Variants in CECR2 observed in about 807,000 individuals in gnomAD.
CECR2 encodes chromatin remodeling regulator CECR2.
In CECR2, 30 loss-of-function variants were observed where a neutral mutation model predicts 154.5. The observed-to-expected ratio is 0.19, with a 90% CI of 0.15 to 0.26. The LOEUF is 0.26. CECR2 is among the 10% of genes least tolerant of loss of function. The pLI is 1.00. For synonymous variants in CECR2, 725 were observed against 683.7 expected (o/e 1.06, Z -0.94); for missense variants, 1,743 against 1,829.3 (o/e 0.95, Z 0.86).
intron 4 of CECR2, 118 bp downstream of exon 4, chr22:17,499,667 C>T (rs1188130642): frequency 1.1e-5 from 11 of 1,017,356 alleles, no homozygotes; most frequent in Non-Finnish European, 1.4e-5. Context: ...TCTAAGCATG[C>T]CTGCAAAGAG....
rs1475550938 is a variant in CECR2 at position 17,541,895 on chromosome 22, G to C, written c.1941G>C (p.Leu647Phe). The change falls in exon 15 of 19, where the codon TTG becomes TTC. Residue 647 changes from leucine to phenylalanine, a missense_variant. By Grantham distance (22) the Leu-to-Phe change is conservative (BLOSUM62 0). Coordinates refer to ENST00000262608, the MANE Select transcript of CECR2 (RefSeq NM_001290047.2). ...TGCGAGGATCAGATCCTGCCACCTTGTATGGCTCCTCTGGAGTCCCGGAGC... is the reference window on the plus strand; with the variant it reads ...TGCGAGGATCAGATCCTGCCACCTTCTATGGCTCCTCTGGAGTCCCGGAGC... ...GPLRGSDPATLYGSSGVPEPH... is the reference protein window; with the variant it reads ...GPLRGSDPATFYGSSGVPEPH... The C allele has an allele frequency of 3.1e-6, 5 of 1,613,854 alleles. No homozygotes were observed. The African/African-American group carries it at 5.3e-5, about 17-fold the overall frequency.
Position 17,404,207 on chromosome 22 carries a change from C to T in CECR2, c.126+34298C>T, listed in dbSNP as rs544997255. Reference sequence around the variant, plus strand: ...CCAGGAGGTGGAGGTTGCAGTGAGCCGAGATCGTGCCACTGCACTCCGGCC... The same window carrying T: ...CCAGGAGGTGGAGGTTGCAGTGAGCTGAGATCGTGCCACTGCACTCCGGCC... On this transcript the variant is annotated intron_variant, in intron 1 of 18. Coordinates refer to ENST00000262608, the MANE Select transcript of CECR2 (RefSeq NM_001290047.2). Among the ~76,000 whole-genome samples the T allele has an allele frequency of 1.4e-3, 208 of 145,766 alleles. 1 individual carries two copies. The highest frequency in any genetic ancestry group is 2.7e-3 in the Non-Finnish European group (176 of 66,338).
chr22:17,449,479 A>G (rs2054731420), intron 1 of CECR2, among the ~76,000 whole-genome samples: 1 of 116,082 alleles, frequency 8.6e-6, no homozygotes, highest in Non-Finnish European at 1.7e-5. Flanking sequence ...ATTGGTAACC[A>G]GTTCTTTTTT....
At chr22:17,400,330 G>A (rs1300873649) in intron 1 of CECR2, among the ~76,000 whole-genome samples, 1 of 152,196 alleles carries the variant, frequency 6.6e-6, no homozygotes, top group Admixed American at 6.6e-5. Context: ...AGCTGTCTGG[G>A]AAGGGCAGAA....
chr22:17,540,644 G>A lies in CECR2; in HGVS notation c.1728G>A (p.Ser576=), dbSNP rs764124549. 21 of 1,613,738 alleles carry A rather than the reference G, an allele frequency of 1.3e-5. No homozygotes were observed. Among genetic ancestry groups the A allele is most frequent in the East Asian group, 8.9e-5 (4 of 44,886 alleles). Residue 576 remains serine, a synonymous_variant, in exon 14 of 19, where the codon TCG becomes TCA. Coordinates refer to ENST00000262608, the MANE Select transcript of CECR2 (RefSeq NM_001290047.2). The stretch of plus-strand genomic sequence containing the variant: ...AGCCCATGGAGAATGGAGGAAAGTC[G>A]TTGCCCCCCACACGCCGAGCGCCCT... The part of the protein sequence containing the change: ...KQQPMENGGK[S]LPPTRRAPSS...
intron 1 of CECR2, among the ~76,000 whole-genome samples, chr22:17,405,578 T>TG (rs2053970763): frequency 7.0e-6 from 1 of 142,932 alleles, no homozygotes; most frequent in Non-Finnish European, 1.5e-5. Context: ...AGGCAGAGGT[T>TG]GCAGTGAGCC....
At chr22:17,433,559 C>T (rs1174887338) in intron 1 of CECR2, among the ~76,000 whole-genome samples, 1 of 152,190 alleles carries the variant, frequency 6.6e-6, no homozygotes, top group African/African-American at 2.4e-5. Context: ...AGTCCTCCCA[C>T]CTCAGCCTCC....
At chr22:17,469,473 C>T (rs1045013350) in intron 1 of CECR2, among the ~76,000 whole-genome samples, 19 of 152,186 alleles carry the variant, frequency 1.2e-4, no homozygotes, top group African/African-American at 4.1e-4. Context: ...TCTTGGCCCG[C>T]GACAGCGCGT....
intron 1 of CECR2, among the ~76,000 whole-genome samples, chr22:17,404,275 CT>C (rs1425619385): frequency 2.0e-5 from 2 of 97,996 alleles, no homozygotes; most frequent in African/African-American, 4.2e-5. Flanking sequence ...CCCGACCCCC[CT>C]GCCAAAAAAA....
At chr22:17,388,245 C>T (rs1003551683) in intron 1 of CECR2, among the ~76,000 whole-genome samples, 3 of 152,170 alleles carry the variant, frequency 2.0e-5, no homozygotes, top group African/African-American at 7.2e-5. Flanking sequence ...TGAGCCACCG[C>T]GCCTGGCCAA....
intron 1 of CECR2, among the ~76,000 whole-genome samples, chr22:17,462,396 A>T (rs929149830): frequency 1.3e-5 from 2 of 152,008 alleles, no homozygotes; most frequent in African/African-American, 4.8e-5. Context: ...AGATCTTAAG[A>T]TAATACTGAG....
intron 1 of CECR2, among the ~76,000 whole-genome samples, chr22:17,402,174 G>A (rs1026242243): frequency 6.6e-6 from 1 of 152,070 alleles, no homozygotes; most frequent in African/African-American, 2.4e-5. Flanking sequence ...TAGTAGAGAC[G>A]GGATTTCACC....
intron 1 of CECR2, among the ~76,000 whole-genome samples, chr22:17,453,908 C>T (rs554888287): frequency 1.1e-4 from 17 of 152,082 alleles, no homozygotes; most frequent in Non-Finnish European, 1.8e-4. Context: ...TTTATGGCAC[C>T]GGGAAACAAG....
intron 7 of CECR2, among the ~76,000 whole-genome samples, chr22:17,505,534 CTTTTTTTTTT>C (rs11387639): frequency 7.1e-5 from 7 of 98,834 alleles, no homozygotes; most frequent in Non-Finnish European, 1.1e-4. Flanking sequence ...CCTCTTTTTC[CTTTTTTTTTT>C]TTTTTTTTTT....
intron 1 of CECR2, among the ~76,000 whole-genome samples, chr22:17,464,313 ACTC>A (rs2054991122): frequency 6.6e-6 from 1 of 151,784 alleles, no homozygotes. Context: ...TTAAAAGAAA[ACTC>A]CTAGTTCTTA....
intron 1 of CECR2, among the ~76,000 whole-genome samples, chr22:17,461,316 T>A (rs190856485): frequency 3.3e-5 from 5 of 152,392 alleles, no homozygotes; most frequent in Middle Eastern, 3.4e-3. Flanking sequence ...TGATTTTTTT[T>A]AAGAAAGTTA....
At position 17,497,530 on chromosome 22, in the gene CECR2, C is replaced by T. The variant is rs1259461211; in HGVS notation, c.349C>T (p.Leu117=). The change falls in exon 3 of 19, where the codon CTG becomes TTG. Residue 117 remains leucine, a synonymous_variant. Transcript: ENST00000262608. The part of the protein sequence containing the change: ...DLPLRTRVEI[L]HRLCDYRLDA... Reference sequence around the variant, plus strand: ...GCCTCTTCGCACACGGGTGGAGATCCTGCACCGACTCTGTGATTACCGGCT... The same window carrying T: ...GCCTCTTCGCACACGGGTGGAGATCTTGCACCGACTCTGTGATTACCGGCT... 1 of 1,613,928 alleles carries T rather than the reference C, an allele frequency of 6.2e-7. No individual in the cohort carries two copies. Among genetic ancestry groups the T allele is most frequent in the Non-Finnish European group, 8.5e-7 (1 of 1,179,874 alleles).
chr22:17,478,194 C>T (rs1398202548), intron 2 of CECR2, among the ~76,000 whole-genome samples: 1 of 151,964 alleles, frequency 6.6e-6, no homozygotes, highest in Non-Finnish European at 1.5e-5. Flanking sequence ...TTACTTAATA[C>T]ACGTTTCTTT....
chr22:17,387,854 A>G (rs2063283139), intron 1 of CECR2, among the ~76,000 whole-genome samples: 1 of 152,090 alleles, frequency 6.6e-6, no homozygotes, highest in South Asian at 2.1e-4. Context: ...GAACCAGAAC[A>G]ATTTTTTTTT....
Sources: gnomAD v4.1 joint callset for allele counts (sites outside exome capture counted in the v4.1 genomes callset) on GRCh38, gnomAD v4.1.1 for gene constraint, MANE v1.5 for transcripts, NCBI Gene and HGNC (gene_info 2026-07-23, HGNC 2026-07-21) for gene names.